Variants in ARID3A observed in about 807,000 individuals in gnomAD.
ARID3A encodes AT-rich interaction domain 3A, also known as AT-rich interactive domain-containing protein 3A.
Under a neutral mutation model 52.7 loss-of-function variants are expected in ARID3A, and 11 were observed. That is an observed-to-expected ratio of 0.21 (90% CI 0.13 to 0.35). ARID3A has a LOEUF of 0.35. ARID3A is among the 10% of genes least tolerant of loss of function. The pLI is 1.00. For synonymous variants in ARID3A, 404 were observed against 359.4 expected, an observed-to-expected ratio of 1.12 and a Z score of -1.40; for missense variants, 721 against 838.5, an observed-to-expected ratio of 0.86 and a Z score of 1.73.
rs192627765 is a variant in ARID3A, at chr19:975,353, G to A, written c.*3288G>A. The A allele has an allele frequency of 2.2e-3, 506 of 230,410 alleles. 1 individual carries two copies. The highest frequency in any genetic ancestry group is 0.015 in the South Asian group (81 of 5,504). 14.3% of individuals were successfully genotyped at this position (230,410 alleles called of 1,614,324 possible). On this transcript the variant is annotated 3_prime_UTR_variant, in exon 9 of 9. Transcript: ENST00000263620. The stretch of plus-strand genomic sequence containing the variant: ...AGTGGCTGTCCAGAAAGGCGGGAGG[G>A]TGGGCACGGGGCACGGGGGGCAGCT...
chr19:950,140 C>G (rs79883500), intron 3 of ARID3A, among the ~76,000 whole-genome samples: 3,009 of 34,324 alleles, frequency 0.088, 1 homozygote, highest in East Asian at 0.18. Context: ...ATGAGGCCGT[C>G]CCCAGAGTGA....
In ARID3A at chr19:969,379, A is replaced by G. The variant is rs529475533; in HGVS notation, c.1594+876A>G. Among the ~76,000 whole-genome samples the G allele has an allele frequency of 4.0e-3, 607 of 151,688 alleles. 2 individuals are homozygous for G. Among genetic ancestry groups the G allele is most frequent in the Non-Finnish European group, 6.3e-3 (428 of 67,902 alleles). On this transcript the variant is annotated intron_variant, in intron 8 of 8. Transcript: ENST00000263620. ...TAGTGAGACCCCATCTCTCCTAAAA[A>G]TATAAAAATCAGCAGGGCGTGGTGG...
chr19:929,206 A>C lies in ARID3A; in HGVS notation c.-267-56A>C. On this transcript the variant is annotated intron_variant, in intron 1 of 8. Transcript: ENST00000263620. This position sits in a 1 kb window ranked among gnomAD's most constrained non-coding sequence, Gnocchi z 6.2. ...TCCCCAGGGCCTTCATGGGGAAGGA[A>C]GGAGGGGGCTTGAGGAGCTCAGGCC... 3 of 172,434 alleles carry C rather than the reference A, an allele frequency of 1.7e-5. No homozygotes were observed. Among genetic ancestry groups the C allele is most frequent in the Non-Finnish European group, 3.7e-5 (3 of 81,316 alleles). 10.7% of individuals were successfully genotyped at this position (172,434 alleles called of 1,614,324 possible). A position where few individuals can be genotyped will look rare whatever the true frequency, so the allele number is the denominator to read the frequency against.
At chr19:969,356 G>A (rs2038229339) in intron 8 of ARID3A, among the ~76,000 whole-genome samples, 1 of 151,558 alleles carries the variant, frequency 6.6e-6, no homozygotes, top group African/African-American at 2.4e-5. Flanking sequence ...GGGCAACATA[G>A]TGAGACCCCA....
chr19:940,233 GGAA>G (rs1011080969), intron 3 of ARID3A, among the ~76,000 whole-genome samples: 7 of 152,168 alleles, frequency 4.6e-5, no homozygotes, highest in African/African-American at 1.2e-4. Flanking sequence ...GGGCTACATT[GGAA>G]GAAGAAGAAT....
intron 3 of ARID3A, among the ~76,000 whole-genome samples, chr19:939,955 G>A (rs563617735): frequency 5.1e-4 from 77 of 152,258 alleles, no homozygotes; most frequent in Non-Finnish European, 8.7e-4. Context: ...TGTGAAGGTA[G>A]CACTGGGGTC....
rs755174155 is a variant in ARID3A at position 973,413 on chromosome 19, C to G, written c.*1348C>G. ...ACAGGCATGAGCCGCCACGCTGGCCCGGTCTGGAAATCTTATCTAAAAAGT... is the reference window on the plus strand; with the variant it reads ...ACAGGCATGAGCCGCCACGCTGGCCGGGTCTGGAAATCTTATCTAAAAAGT... On this transcript the variant is annotated 3_prime_UTR_variant, in exon 9 of 9. Coordinates refer to ENST00000263620, the MANE Select transcript of ARID3A (RefSeq NM_005224.3). 3 of 194,066 alleles carry G rather than the reference C, an allele frequency of 1.5e-5. No individual in the cohort carries two copies. Among genetic ancestry groups the G allele is most frequent in the Non-Finnish European group, 3.2e-5 (3 of 93,116 alleles). 12.0% of individuals were successfully genotyped at this position (194,066 alleles called of 1,614,324 possible).
At chr19:952,135 G>A (rs896498799) in intron 3 of ARID3A, among the ~76,000 whole-genome samples, 3 of 149,890 alleles carry the variant, frequency 2.0e-5, no homozygotes, top group Admixed American at 6.7e-5. Flanking sequence ...AGCGAGACTC[G>A]GTCTCAAAAC....
chr19:944,325 G>GTGTGTGT lies in ARID3A; in HGVS notation c.693+11583_693+11584insTGTGTGT, dbSNP rs1555727928. On this transcript the variant is annotated intron_variant, in intron 3 of 8. Coordinates refer to ENST00000263620, the MANE Select transcript of ARID3A (RefSeq NM_005224.3). This position sits in a 1 kb window ranked among gnomAD's most constrained non-coding sequence, Gnocchi z 5.9. ...TCTGGCTGCAGGGGCGCGTCCAGGGGGTGTGTGTGTGTGTGTGTGTGTGTC... is the reference window on the plus strand; with the variant it reads ...TCTGGCTGCAGGGGCGCGTCCAGGGGTGTGTGTGTGTGTGTGTGTGTGTGTGTGTGTC... Among the ~76,000 whole-genome samples the GTGTGTGT allele has an allele frequency of 3.3e-5, 5 of 149,748 alleles. No individual in the cohort carries two copies. Among genetic ancestry groups the GTGTGTGT allele is most frequent in the South Asian group, 2.1e-4 (1 of 4,704 alleles).
Position 944,240 on chromosome 19 carries a change from G to A in ARID3A, c.693+11498G>A, listed in dbSNP as rs770883072. On this transcript the variant is annotated intron_variant, in intron 3 of 8. Transcript: ENST00000263620. This position sits in a 1 kb window ranked among gnomAD's most constrained non-coding sequence, Gnocchi z 5.9. ...CGGCACTGGAGTCCTGACGTCGGCA[G>A]CGCGGTGGAGGGCGGGCCTGTCTCG... Among the ~76,000 whole-genome samples, 5 of 152,112 alleles carry A rather than the reference G, an allele frequency of 3.3e-5. No individual in the cohort carries two copies. Among genetic ancestry groups the A allele is most frequent in the Admixed American group, 2.0e-4 (3 of 15,294 alleles).
Position 964,587 on chromosome 19 carries a change from C to T in ARID3A, c.950+156C>T, listed in dbSNP as rs982467368. Reference sequence around the variant, plus strand: ...AGGGCCACACCGTGCGTCCAGGGCCCGAGAGCGTCAAGTAGGGGTGCGAGG... The same window carrying T: ...AGGGCCACACCGTGCGTCCAGGGCCTGAGAGCGTCAAGTAGGGGTGCGAGG... On this transcript the variant is annotated intron_variant, in intron 5 of 8. Coordinates refer to ENST00000263620, the MANE Select transcript of ARID3A (RefSeq NM_005224.3). The surrounding 1 kb of genome is among the most constrained non-coding windows in gnomAD (Gnocchi z 5.7). Among the ~76,000 whole-genome samples, 6 of 152,134 alleles carry T rather than the reference C, an allele frequency of 3.9e-5. No homozygotes were observed. The highest frequency in any genetic ancestry group is 2.1e-4 in the South Asian group (1 of 4,832).
intron 3 of ARID3A, among the ~76,000 whole-genome samples, chr19:949,466 A>G (rs1358512149): frequency 6.6e-6 from 1 of 152,124 alleles, no homozygotes; most frequent in Non-Finnish European, 1.5e-5. Context: ...GAGGGGCCGG[A>G]AAGGGGACAC....
chr19:940,851 G>A (rs1417925868), intron 3 of ARID3A, among the ~76,000 whole-genome samples: 1 of 152,054 alleles, frequency 6.6e-6, no homozygotes, highest in Admixed American at 6.5e-5. Context: ...CCCCACCGGG[G>A]CAGCGCCCGC....
chr19:964,825 A>C lies in ARID3A; in HGVS notation c.951-8A>C, dbSNP rs1166766230. 1 of 1,609,816 alleles carries C rather than the reference A, an allele frequency of 6.2e-7. No homozygotes were observed. The highest frequency in any genetic ancestry group is 1.1e-5 in the South Asian group (1 of 91,004). Reference sequence around the variant, plus strand: ...GGGTGCCATCCTCTTCCCTCGTCCCACCCACAGATACATGAAGTACCTGTA... The same window carrying C: ...GGGTGCCATCCTCTTCCCTCGTCCCCCCCACAGATACATGAAGTACCTGTA... On this transcript the variant is annotated splice_region_variant and splice_polypyrimidine_tract_variant and intron_variant, in intron 5 of 8. Coordinates refer to ENST00000263620, the MANE Select transcript of ARID3A (RefSeq NM_005224.3). This position sits in a 1 kb window ranked among gnomAD's most constrained non-coding sequence, Gnocchi z 5.7.
intron 2 of ARID3A, among the ~76,000 whole-genome samples, chr19:931,248 C>G (rs1219255590): frequency 6.6e-6 from 1 of 152,032 alleles, no homozygotes; most frequent in Admixed American, 6.6e-5. Flanking sequence ...GAGCTGTGAT[C>G]ACACCACTGC....
rs1269053086 is a variant in ARID3A, at chr19:960,792, T to C, written c.766+628T>C. On this transcript the variant is annotated intron_variant, in intron 4 of 8. Coordinates refer to ENST00000263620, the MANE Select transcript of ARID3A (RefSeq NM_005224.3). This position sits in a 1 kb window ranked among gnomAD's most constrained non-coding sequence, Gnocchi z 4.3. ...GGCCGCTGTTTACTGTGCACACTTA[T>C]TGGGCACCAACGGTATACCAGGCTC... is the stretch of plus-strand genomic sequence containing the variant. 2.0e-5 allele frequency among the ~76,000 whole-genome samples: 3 copies of C among 152,134 alleles called. No homozygotes were observed. The highest frequency in any genetic ancestry group is 3.9e-4 in the East Asian group (2 of 5,188).
intron 3 of ARID3A, among the ~76,000 whole-genome samples, chr19:958,427 C>CA (rs35996712): frequency 1.9e-4 from 16 of 85,898 alleles, no homozygotes; most frequent in African/African-American, 3.9e-4. Flanking sequence ...GACTCCATCT[C>CA]AAAAAAAAAA....
At chr19:967,451 C>T (rs1404081373) in intron 7 of ARID3A, among the ~76,000 whole-genome samples, 1 of 150,914 alleles carries the variant, frequency 6.6e-6, no homozygotes, top group Non-Finnish European at 1.5e-5. Flanking sequence ...CCCAGCTACT[C>T]GGGAGGCTGA....
chr19:947,765 C>T lies in ARID3A; in HGVS notation c.694-12327C>T, dbSNP rs961516401. 2.6e-5 allele frequency among the ~76,000 whole-genome samples: 4 copies of T among 152,226 alleles called. No homozygotes were observed. Among genetic ancestry groups the T allele is most frequent in the Non-Finnish European group, 4.4e-5 (3 of 68,044 alleles). On this transcript the variant is annotated intron_variant, in intron 3 of 8. Transcript: ENST00000263620. This position sits in a 1 kb window ranked among gnomAD's most constrained non-coding sequence, Gnocchi z 6.3. ...ATTAATATCCGCCCCGTGGGTGCGG[C>T]GCTGTGTATTTCCAGAGAGGGGACT...
Sources: allele counts gnomAD v4.1 joint callset (sites outside exome capture counted in the v4.1 genomes callset), GRCh38; gene constraint gnomAD v4.1.1; non-coding constraint Gnocchi (gnomAD v3.1); transcripts MANE v1.5; gene names NCBI Gene and HGNC (gene_info 2026-07-23, HGNC 2026-07-21).